CPEB3: variants seen among roughly 807,000 people sequenced by gnomAD.
CPEB3 encodes cytoplasmic polyadenylation element binding protein 3, also known as cytoplasmic polyadenylation element-binding protein 3.
Under a neutral mutation model 67.2 loss-of-function variants are expected in CPEB3, and 20 were observed. The ratio of observed to expected loss-of-function variants is 0.30; its 90% CI spans 0.21 to 0.43. The LOEUF is 0.43. CPEB3 is among the 20% of genes least tolerant of loss of function. The pLI is 1.00. For synonymous variants in CPEB3, 376 were observed against 393.1 expected (o/e 0.96, Z 0.51); for missense variants, 746 against 968.6 (o/e 0.77, Z 3.05).
intron 9 of CPEB3, among the ~76,000 whole-genome samples, chr10:92,072,497 T>C (rs533449319): frequency 3.9e-5 from 6 of 152,208 alleles, no homozygotes; most frequent in Non-Finnish European, 7.3e-5. Flanking sequence ...TTTCTTCAAC[T>C]GTCATGGTTT....
intron 2 of CPEB3, among the ~76,000 whole-genome samples, chr10:92,232,961 T>C (rs180978546): frequency 7.9e-5 from 12 of 152,288 alleles, no homozygotes; most frequent in African/African-American, 2.9e-4. Flanking sequence ...TATATTAACG[T>C]TTCTAGTAGC....
intron 9 of CPEB3, among the ~76,000 whole-genome samples, chr10:92,056,499 G>A (rs927041682): frequency 6.6e-6 from 1 of 152,174 alleles, no homozygotes; most frequent in Admixed American, 6.5e-5. Context: ...AAGCACTGAG[G>A]AGTCAGAAGA....
intron 9 of CPEB3, among the ~76,000 whole-genome samples, chr10:92,071,339 GAGTTGCCCC>G (rs762520858): frequency 3.9e-5 from 6 of 152,172 alleles, no homozygotes; most frequent in Non-Finnish European, 7.3e-5. Flanking sequence ...GGGGCAGCAG[GAGTTGCCCC>G]AGATTTTTAT....
chr10:92,157,411 T>C (rs1847257966), intron 4 of CPEB3, among the ~76,000 whole-genome samples: 1 of 152,222 alleles, frequency 6.6e-6, no homozygotes, highest in Non-Finnish European at 1.5e-5. Context: ...ATATGGGAAA[T>C]GCTTTAGAAC....
At chr10:92,218,098 T>TGA (rs1268420038) in intron 2 of CPEB3, among the ~76,000 whole-genome samples, 1 of 151,766 alleles carries the variant, frequency 6.6e-6, no homozygotes, top group Non-Finnish European at 1.5e-5. Flanking sequence ...GGTAAAAGAG[T>TGA]GAGACCCTAT....
chr10:92,150,695 A>C (rs965206898), intron 4 of CPEB3, among the ~76,000 whole-genome samples: 2 of 152,190 alleles, frequency 1.3e-5, no homozygotes, highest in African/African-American at 4.8e-5. Context: ...AAGAGGCTGC[A>C]CCTAAATTGT....
intron 1 of CPEB3, among the ~76,000 whole-genome samples, chr10:92,254,191 T>C (rs946446922): frequency 1.9e-4 from 28 of 151,322 alleles, no homozygotes; most frequent in African/African-American, 6.8e-4. Flanking sequence ...ATTGTGTCAA[T>C]GCACCTCAGC....
chr10:92,239,538 C>G lies in CPEB3; in HGVS notation c.813G>C (p.Ala271=). The change falls in exon 2 of 10, where the codon GCG becomes GCC. Residue 271 remains alanine (A), a synonymous_variant. Transcript: ENST00000265997. The surrounding 1 kb of genome is among the most constrained non-coding windows in gnomAD (Gnocchi z 6.0). ...CACCCACACCCACGCCCACACCGAC[C>G]GCCCGGCGAGGGTCCCGGCCCGCCT... ...GLQAGRDPRR[A]VGVGVGVGVG... 6.4e-7 allele frequency: 1 copy of G among 1,559,328 alleles called. No homozygotes were observed. The highest frequency in any genetic ancestry group is 1.4e-5 in the African/African-American group (1 of 73,966).
chr10:92,225,240 T>C (rs995805437), intron 2 of CPEB3, among the ~76,000 whole-genome samples: 1 of 152,206 alleles, frequency 6.6e-6, no homozygotes, highest in African/African-American at 2.4e-5. Context: ...CCCAAAGTGC[T>C]GGGATTACAG....
chr10:92,127,609 G>A (rs1845662633), intron 6 of CPEB3, among the ~76,000 whole-genome samples: 1 of 152,172 alleles, frequency 6.6e-6, no homozygotes, highest in Non-Finnish European at 1.5e-5. Flanking sequence ...AGCCTAGGAG[G>A]TGGAGGTTGC....
At chr10:92,159,248 G>A (rs1847351693) in intron 4 of CPEB3, among the ~76,000 whole-genome samples, 1 of 151,952 alleles carries the variant, frequency 6.6e-6, no homozygotes, top group Admixed American at 6.6e-5. Flanking sequence ...GGGCGACAGA[G>A]CAAGACTCTG....
chr10:92,209,775 A>G (rs1434275760), intron 2 of CPEB3, among the ~76,000 whole-genome samples: 4 of 151,512 alleles, frequency 2.6e-5, no homozygotes, highest in Non-Finnish European at 4.4e-5. Flanking sequence ...CATCTCAACT[A>G]AAAATACAAA....
intron 4 of CPEB3, among the ~76,000 whole-genome samples, chr10:92,149,270 T>C (rs1022337814): frequency 6.6e-6 from 1 of 152,230 alleles, no homozygotes; most frequent in African/African-American, 2.4e-5. Flanking sequence ...ATCCATCTTC[T>C]GTCCTGTCAG....
intron 9 of CPEB3, among the ~76,000 whole-genome samples, chr10:92,053,015 T>C (rs1192231306): frequency 6.6e-6 from 1 of 152,220 alleles, no homozygotes; most frequent in Admixed American, 6.5e-5. Context: ...GCTGTGAGGC[T>C]GTGCACCTCA....
chr10:92,103,317 TG>T (rs1425919127), intron 7 of CPEB3, among the ~76,000 whole-genome samples: 2 of 152,240 alleles, frequency 1.3e-5, no homozygotes, highest in Non-Finnish European at 2.9e-5. Flanking sequence ...GATTCCCTTT[TG>T]AAAGAAAAAG....
chr10:92,058,645 C>A, intron 9 of CPEB3, among the ~76,000 whole-genome samples: 1 of 149,328 alleles, frequency 6.7e-6, no homozygotes, highest in Non-Finnish European at 1.5e-5. Flanking sequence ...ACTGGAGCAC[C>A]CAGATATAGA....
In CPEB3 at chr10:92,239,364, G is replaced by T; in HGVS notation, c.987C>A (p.Asn329Lys). The change falls in exon 2 of 10, where the codon AAC (asparagine) becomes AAA (lysine). Residue 329 changes from asparagine (N) to lysine (K), a missense_variant. By Grantham distance (94) the Asn-to-Lys change is moderately conservative. This residue lies in a region of CPEB3 where 643 missense variants were observed against 717.5 expected (regional missense o/e 0.90). Coordinates refer to ENST00000265997, the MANE Select transcript of CPEB3 (RefSeq NM_014912.5). The surrounding 1 kb of genome is among the most constrained non-coding windows in gnomAD (Gnocchi z 6.0). ...GTATTACCTGAAATGGCAACAGATT[G>T]TTACCATTATCGGTCCGGAAAGCGT... ...EDNAFRTDNG[N>K]NLLPFQDRSR... 1.2e-6 allele frequency: 2 copies of T among 1,606,236 alleles called. No homozygotes were observed. The highest frequency in any genetic ancestry group is 1.7e-6 in the Non-Finnish European group (2 of 1,176,540).
At chr10:92,251,911 A>G (rs1187826008) in intron 1 of CPEB3, among the ~76,000 whole-genome samples, 1 of 151,664 alleles carries the variant, frequency 6.6e-6, no homozygotes, top group Admixed American at 6.6e-5. Flanking sequence ...ACTGCACTCC[A>G]GCCTGGGTGT....
At chr10:92,280,296 T>C (rs768184738) in intron 1 of CPEB3, among the ~76,000 whole-genome samples, 5 of 130,562 alleles carry the variant, frequency 3.8e-5, no homozygotes, top group Admixed American at 9.6e-5. Flanking sequence ...TGAACCGAGA[T>C]TGTGCCACTG....
Sources: allele counts gnomAD v4.1 joint callset (sites outside exome capture counted in the v4.1 genomes callset), GRCh38; gene constraint gnomAD v4.1.1; regional missense constraint gnomAD v4.1.1; non-coding constraint Gnocchi (gnomAD v3.1); transcripts MANE v1.5; gene names NCBI Gene and HGNC (gene_info 2026-07-23, HGNC 2026-07-21).